ANO3: variants seen among roughly 807,000 people sequenced by gnomAD.
The protein encoded by ANO3 is anoctamin 3.
Under a neutral mutation model 144.8 loss-of-function variants are expected in ANO3, and 99 were observed. The observed-to-expected ratio is 0.68, with a 90% CI of 0.58 to 0.81. The LOEUF (loss-of-function observed/expected upper bound fraction) is 0.81. ANO3 is among the 30% of genes least tolerant of loss of function. ANO3 has a pLI of 0.00. For missense variants in ANO3, 905 were observed against 1,202.2 expected, an observed-to-expected ratio of 0.75 and a Z score of 3.66; for synonymous variants, 414 against 392.6, an observed-to-expected ratio of 1.05 and a Z score of -0.64.
chr11:26,214,866 A>T (rs1852005568), intron 1 of ANO3, among the ~76,000 whole-genome samples: 2 of 152,082 alleles, frequency 1.3e-5, no homozygotes, highest in Admixed American at 1.3e-4. Flanking sequence ...TGGCCTTAAC[A>T]GGTTCACAAG....
At chr11:26,364,746 G>T (rs760248844) in intron 1 of ANO3, among the ~76,000 whole-genome samples, 1 of 152,118 alleles carries the variant, frequency 6.6e-6, no homozygotes, top group Admixed American at 6.5e-5. Flanking sequence ...ATCCACCCCC[G>T]TGATCAAATC....
At chr11:26,387,802 TC>T (rs1856774666) in intron 1 of ANO3, among the ~76,000 whole-genome samples, 2 of 152,106 alleles carry the variant, frequency 1.3e-5, no homozygotes. Flanking sequence ...GTTTGCATTT[TC>T]TTTTGATGGG....
At chr11:26,450,352 A>G (rs1313879585) in intron 3 of ANO3, among the ~76,000 whole-genome samples, 1 of 152,162 alleles carries the variant, frequency 6.6e-6, no homozygotes, top group Non-Finnish European at 1.5e-5. Context: ...TTCATTGAGC[A>G]CAGCTCTGTC....
At chr11:26,619,475 A>G (rs1036722596) in intron 17 of ANO3, among the ~76,000 whole-genome samples, 1 of 151,216 alleles carries the variant, frequency 6.6e-6, no homozygotes, top group African/African-American at 2.4e-5. Context: ...TTTATTATTT[A>G]TTTTTTTTTA....
At chr11:26,533,165 A>G (rs112371459) in intron 8 of ANO3, among the ~76,000 whole-genome samples, 23 of 152,328 alleles carry the variant, frequency 1.5e-4, no homozygotes, top group African/African-American at 5.5e-4. Context: ...TGTATTAAGA[A>G]AGACAGAAAT....
At chr11:26,397,561 TTTTA>T (rs1395731945) in intron 1 of ANO3, among the ~76,000 whole-genome samples, 1 of 152,080 alleles carries the variant, frequency 6.6e-6, no homozygotes, top group Non-Finnish European at 1.5e-5. Context: ...TTTGTCTTAA[TTTTA>T]TTTAATTGAC....
At chr11:26,531,393 A>C in intron 8 of ANO3, 57 bp downstream of exon 8, 1 of 1,537,028 alleles carries the variant, frequency 6.5e-7, no homozygotes, top group South Asian at 1.3e-5. Flanking sequence ...GGGCTTGTTT[A>C]TAGAATAAAA....
chr11:26,522,929 A>G (rs1442896638), intron 6 of ANO3, among the ~76,000 whole-genome samples: 1 of 152,194 alleles, frequency 6.6e-6, no homozygotes, highest in Non-Finnish European at 1.5e-5. Context: ...AAAATAAACA[A>G]TAAGTAGCCC....
Position 26,595,949 on chromosome 11 carries a change from T to C in ANO3, c.1448-2416T>C, listed in dbSNP as rs949551375. The stretch of plus-strand genomic sequence containing the variant: ...CAGTTGCCGCTACCAATTGAATGCA[T>C]TTGGGCCATTCGCGGGTTACTGAGT... On this transcript the variant is annotated intron_variant, in intron 14 of 26. Coordinates refer to ENST00000256737, the MANE Select transcript of ANO3 (RefSeq NM_031418.4). Among the ~76,000 whole-genome samples the C allele has an allele frequency of 2.0e-5, 3 of 152,184 alleles. No individual in the cohort carries two copies. The East Asian group carries it at 5.8e-4, about 29-fold the overall frequency.
At chr11:26,567,088 T>C in intron 14 of ANO3, 1 of 1,487,802 alleles carries the variant, frequency 6.7e-7, no homozygotes, top group East Asian at 2.5e-5. Flanking sequence ...GATTGTATTA[T>C]GCCCATTTTG....
At chr11:26,584,427 G>A (rs1851221241) in intron 14 of ANO3, among the ~76,000 whole-genome samples, 1 of 152,134 alleles carries the variant, frequency 6.6e-6, no homozygotes, top group Non-Finnish European at 1.5e-5. Flanking sequence ...CCAAAGTGCT[G>A]GGATTATAGG....
At chr11:26,456,199 G>A (rs1052151094) in intron 3 of ANO3, among the ~76,000 whole-genome samples, 6 of 152,272 alleles carry the variant, frequency 3.9e-5, no homozygotes, top group African/African-American at 1.4e-4. Flanking sequence ...AAAAGTAATG[G>A]CAACAGAAGC....
intron 1 of ANO3, among the ~76,000 whole-genome samples, chr11:26,425,725 C>T (rs1228708042): frequency 6.6e-6 from 1 of 152,088 alleles, no homozygotes; most frequent in East Asian, 1.9e-4. Context: ...AGAGAATCAG[C>T]ACACAAGGTG....
chr11:26,330,532 G>T (rs1590265602), upstream of ANO3, among the ~76,000 whole-genome samples: 1 of 152,056 alleles, frequency 6.6e-6, no homozygotes, highest in South Asian at 2.1e-4. Context: ...GTAGCACATT[G>T]TTTGCTCTTC....
chr11:26,499,680 CCAT>C (rs1340662610), intron 4 of ANO3, among the ~76,000 whole-genome samples: 10 of 151,670 alleles, frequency 6.6e-5, no homozygotes, highest in Admixed American at 6.6e-4. Flanking sequence ...TGCATGAATA[CCAT>C]ATGTCCTGTT....
At chr11:26,622,019 A>G (rs1274019072) in intron 17 of ANO3, among the ~76,000 whole-genome samples, 1 of 152,160 alleles carries the variant, frequency 6.6e-6, no homozygotes. Flanking sequence ...GACACCATAC[A>G]GTTGGATATA....
At chr11:26,497,674 T>G (rs1273576946) in intron 4 of ANO3, among the ~76,000 whole-genome samples, 1 of 152,034 alleles carries the variant, frequency 6.6e-6, no homozygotes, top group Admixed American at 6.6e-5. Flanking sequence ...AGTGGCTCTT[T>G]GCAATGAAAA....
chr11:26,613,054 A>G (rs1302016665), intron 17 of ANO3, among the ~76,000 whole-genome samples: 2 of 152,068 alleles, frequency 1.3e-5, no homozygotes, highest in Non-Finnish European at 2.9e-5. Flanking sequence ...AATATTTGGG[A>G]AGTTTCTGTC....
At chr11:26,565,734 A>C (rs1187183977) in intron 14 of ANO3, 1 of 1,605,850 alleles carries the variant, frequency 6.2e-7, no homozygotes, top group East Asian at 2.2e-5. Context: ...TTTATTTTCC[A>C]TTGTTTTAAA....
Sources: allele counts gnomAD v4.1 joint callset (sites outside exome capture counted in the v4.1 genomes callset), GRCh38; gene constraint gnomAD v4.1.1; transcripts MANE v1.5; gene names NCBI Gene and HGNC (gene_info 2026-07-23, HGNC 2026-07-21).